SAMD12: variants seen among roughly 807,000 people sequenced by gnomAD.
SAMD12 encodes sterile alpha motif domain containing 12.
A neutral mutation model predicts 15.0 loss-of-function variants in SAMD12; 9 were observed. The ratio of observed to expected loss-of-function variants is 0.60; its 90% CI spans 0.36 to 1.05. The LOEUF is 1.05. SAMD12 is among the 50% of genes least tolerant of loss of function. The pLI is 0.01. For missense variants in SAMD12, 230 were observed against 234.2 expected (o/e 0.98, Z 0.12); for synonymous variants, 86 against 90.1 (o/e 0.96, Z 0.25).
At chr8:118,157,496 A>G in the SAMD12 span, among the ~76,000 whole-genome samples, 1 of 152,236 alleles carries the variant, frequency 6.6e-6, no homozygotes, top group Non-Finnish European at 1.5e-5. Context: ...AAAGGTTAGC[A>G]TTGTCTGTAC....
chr8:118,433,278 G>T (rs1023396887), intron 3 of SAMD12, among the ~76,000 whole-genome samples: 1 of 152,174 alleles, frequency 6.6e-6, no homozygotes, highest in Admixed American at 6.5e-5. Flanking sequence ...GATCCATTTA[G>T]AGAGGAAACA....
chr8:118,450,687 C>T (rs1823054534), intron 2 of SAMD12, among the ~76,000 whole-genome samples: 1 of 152,050 alleles, frequency 6.6e-6, no homozygotes, highest in Non-Finnish European at 1.5e-5. Flanking sequence ...AAAAATGCCC[C>T]TGTGTAATAT....
chr8:118,236,600 G>A (rs575298943), intron 4 of SAMD12, among the ~76,000 whole-genome samples: 1 of 152,314 alleles, frequency 6.6e-6, no homozygotes, highest in East Asian at 1.9e-4. Context: ...TGGGCTGGCT[G>A]GAATTGTTCT....
chr8:118,263,718 T>C (rs1235374493), intron 4 of SAMD12, among the ~76,000 whole-genome samples: 1 of 152,030 alleles, frequency 6.6e-6, no homozygotes, highest in Non-Finnish European at 1.5e-5. Context: ...GAAAATACAA[T>C]GGAAGAATTG....
intron 2 of SAMD12, among the ~76,000 whole-genome samples, chr8:118,579,696 G>A (rs916840476): frequency 6.6e-6 from 1 of 152,104 alleles, no homozygotes; most frequent in Non-Finnish European, 1.5e-5. Flanking sequence ...TTTTTCTTAG[G>A]TGCTTACAAC....
intron 2 of SAMD12, among the ~76,000 whole-genome samples, chr8:118,441,103 C>A (rs555210039): frequency 6.6e-6 from 1 of 152,140 alleles, no homozygotes; most frequent in South Asian, 2.1e-4. Context: ...CACCTGCTGA[C>A]ATGTGTGTTG....
intron 2 of SAMD12, among the ~76,000 whole-genome samples, chr8:118,519,515 C>G (rs767438203): frequency 5.9e-5 from 9 of 152,252 alleles, no homozygotes; most frequent in Non-Finnish European, 1.0e-4. Flanking sequence ...GAATGTAGTA[C>G]AATATATCTA....
rs1451448584 is a variant in SAMD12, at chr8:118,378,656, T to C, written c.*761A>G. 2 of 984,794 alleles carry C rather than the reference T, an allele frequency of 2.0e-6. No homozygotes were observed. The highest frequency in any genetic ancestry group is 1.7e-5 in the African/African-American group (1 of 57,224). The allele number at this position is 984,794 out of a possible 1,614,324, so 61.0% of individuals were successfully genotyped here. On this transcript the variant is annotated 3_prime_UTR_variant, in exon 4 of 4. Coordinates refer to ENST00000314727, the MANE Select transcript of SAMD12 (RefSeq NM_207506.3). ...TTACAATATTCTGCAGAATGACAAATACTCAAGGCTCTCAAAAACACATAT... is the reference window on the plus strand; with the variant it reads ...TTACAATATTCTGCAGAATGACAAACACTCAAGGCTCTCAAAAACACATAT...
At position 118,379,374 on chromosome 8, in the gene SAMD12, C is replaced by G. The variant is rs371498471; in HGVS notation, c.*43G>C. 2.7e-5 allele frequency: 43 copies of G among 1,590,652 alleles called. No homozygotes were observed. The highest frequency in any genetic ancestry group is 3.5e-5 in the Non-Finnish European group (41 of 1,170,060). ...ATCCATTACTTATTTGTGCATCCTT[C>G]TCCCTAGTGAGCTATGAAAAAAGTT... On this transcript the variant is annotated 3_prime_UTR_variant, in exon 4 of 4. Coordinates refer to ENST00000314727, the MANE Select transcript of SAMD12 (RefSeq NM_207506.3).
downstream of SAMD12, chr8:118,189,441 CA>C (rs1429594460): frequency 2.0e-5 from 3 of 151,954 alleles, no homozygotes; most frequent in Non-Finnish European, 4.4e-5. Flanking sequence ...TGTTGAAAAT[CA>C]GAATCAAAAC....
At chr8:118,137,025 G>A in the SAMD12 span, among the ~76,000 whole-genome samples, 1 of 152,204 alleles carries the variant, frequency 6.6e-6, no homozygotes, top group East Asian at 1.9e-4. Context: ...AAGCAAGGAA[G>A]AATGAAGCAA....
downstream of SAMD12, among the ~76,000 whole-genome samples, chr8:118,188,062 A>C (rs2129715476): frequency 3.3e-5 from 5 of 151,592 alleles, no homozygotes; most frequent in South Asian, 1.0e-3. Flanking sequence ...AGAGAGAGGA[A>C]GAGAGAGAAA....
downstream of SAMD12, among the ~76,000 whole-genome samples, chr8:118,188,328 CA>C (rs545227550): frequency 7.4e-4 from 113 of 152,128 alleles, no homozygotes; most frequent in African/African-American, 2.6e-3. Context: ...TGTTAACTGA[CA>C]AAAAGGTGGC....
At chr8:118,592,285 A>T (rs1466028104) in intron 1 of SAMD12, among the ~76,000 whole-genome samples, 1 of 152,184 alleles carries the variant, frequency 6.6e-6, no homozygotes, top group African/African-American at 2.4e-5. Flanking sequence ...GCCAAAAAAA[A>T]GAAAAGCAAA....
the SAMD12 span, among the ~76,000 whole-genome samples, chr8:118,135,632 T>G: frequency 6.6e-6 from 1 of 151,762 alleles, no homozygotes; most frequent in Admixed American, 6.6e-5. Context: ...AGCCTCAACC[T>G]CCCAGGCTCA....
the SAMD12 span, among the ~76,000 whole-genome samples, chr8:118,173,307 TG>T: frequency 6.6e-5 from 10 of 152,072 alleles, no homozygotes; most frequent in Non-Finnish European, 1.5e-4. Flanking sequence ...GCCGCTGTAA[TG>T]GGCTGACTGT....
chr8:118,531,361 G>T (rs182290298), intron 2 of SAMD12, among the ~76,000 whole-genome samples: 52 of 152,278 alleles, frequency 3.4e-4, no homozygotes, highest in African/African-American at 1.2e-3. Context: ...GTCAGGTAGC[G>T]TGATGCCTCC....
At chr8:118,522,250 T>C (rs181433597) in intron 2 of SAMD12, among the ~76,000 whole-genome samples, 10 of 151,822 alleles carry the variant, frequency 6.6e-5, no homozygotes, top group African/African-American at 2.2e-4. Flanking sequence ...GAGCAAGAGA[T>C]AGGATGAGCT....
intron 2 of SAMD12, among the ~76,000 whole-genome samples, chr8:118,456,105 G>T (rs1294902331): frequency 1.3e-5 from 2 of 152,182 alleles, no homozygotes; most frequent in African/African-American, 2.4e-5. Context: ...AGCCTGCAAG[G>T]CCCTCTCTCC....
Sources: allele counts gnomAD v4.1 joint callset (sites outside exome capture counted in the v4.1 genomes callset), GRCh38; gene constraint gnomAD v4.1.1; transcripts MANE v1.5; gene names NCBI Gene and HGNC (gene_info 2026-07-23, HGNC 2026-07-21).